DAB2IP: variants seen among roughly 807,000 people sequenced by gnomAD.
DAB2IP encodes DAB2 interacting protein, also known as disabled homolog 2-interacting protein.
In DAB2IP, 28 loss-of-function variants were observed where a neutral mutation model predicts 107.2. That is an observed-to-expected ratio of 0.26 (90% confidence interval 0.19 to 0.36). The LOEUF is 0.36. Among genes scored for constraint, DAB2IP ranks in the 10% least tolerant of loss-of-function variants. The pLI, the probability that DAB2IP is intolerant of heterozygous loss-of-function variation, is 1.00. For missense variants in DAB2IP, 1,400 were observed against 1,644.7 expected (o/e 0.85, Z 2.57); for synonymous variants, 755 against 706.4 (o/e 1.07, Z -1.09).
intron 3 of DAB2IP, among the ~76,000 whole-genome samples, chr9:121,721,523 G>A (rs932595183): frequency 3.3e-5 from 5 of 152,208 alleles, no homozygotes; most frequent in African/African-American, 1.2e-4. Context: ...GTGTCCATCT[G>A]GAGAGTACAT....
chr9:121,701,088 C>T lies in DAB2IP; in HGVS notation c.362+1630C>T, dbSNP rs1829755215. 6.6e-6 allele frequency among the ~76,000 whole-genome samples: 1 copy of T among 152,242 alleles called. No homozygotes were observed. Among genetic ancestry groups the T allele is most frequent in the Admixed American group, 6.5e-5 (1 of 15,294 alleles). ...GCTTTCCTTGGCGGGGGTCAGGACC[C>T]TCTGCACCCGCATGCGGGGGCTTGT... On this transcript the variant is annotated intron_variant, in intron 3 of 15. Coordinates refer to ENST00000408936, the Ensembl canonical transcript of DAB2IP. The surrounding 1 kb of genome is among the most constrained non-coding windows in gnomAD (Gnocchi z 4.7).
intron 1 of DAB2IP, among the ~76,000 whole-genome samples, chr9:121,619,085 T>C (rs1244035117): frequency 1.3e-5 from 2 of 152,118 alleles, no homozygotes; most frequent in African/African-American, 4.8e-5. Flanking sequence ...TGAAGGGTGA[T>C]TGTTGGAAGG....
chr9:121,681,748 G>C (rs550616532), intron 2 of DAB2IP, among the ~76,000 whole-genome samples: 1 of 152,270 alleles, frequency 6.6e-6, no homozygotes, highest in Admixed American at 6.5e-5. Context: ...CTTCTGGGCT[G>C]GGTGCTGGGA....
intron 1 of DAB2IP, among the ~76,000 whole-genome samples, chr9:121,655,315 A>G (rs1420091141): frequency 6.6e-6 from 1 of 152,194 alleles, no homozygotes; most frequent in African/African-American, 2.4e-5. Flanking sequence ...ACCAAAATCA[A>G]GAAAAGTTTT....
intron 1 of DAB2IP, among the ~76,000 whole-genome samples, chr9:121,590,658 C>T (rs73661765): frequency 0.022 from 3,404 of 152,236 alleles, 123 homozygotes; most frequent in African/African-American, 0.078. Context: ...TTCATAGCAA[C>T]GGGCAGAAAT....
rs2118742998 is a variant in DAB2IP, at chr9:121,702,006, G to C, written c.362+2548G>C. On this transcript the variant is annotated intron_variant, in intron 3 of 15. Transcript: ENST00000408936. This position sits in a 1 kb window ranked among gnomAD's most constrained non-coding sequence, Gnocchi z 4.5. ...TGAGTGGGTGGGACACGAGTGGGAA[G>C]GACGGTGGGGGCTTCTAGGGTGTCG... Among the ~76,000 whole-genome samples, 1 of 152,326 alleles carries C rather than the reference G, an allele frequency of 6.6e-6. No homozygotes were observed. The highest frequency in any genetic ancestry group is 3.4e-3 in the Middle Eastern group (1 of 294).
intron 3 of DAB2IP, among the ~76,000 whole-genome samples, chr9:121,750,148 C>T (rs1404793668): frequency 1.3e-5 from 2 of 152,186 alleles, no homozygotes; most frequent in Non-Finnish European, 2.9e-5. Context: ...ATCCTCACTA[C>T]GGATGGGGAA....
At chr9:121,576,831 A>G (rs1166453616) in intron 1 of DAB2IP, among the ~76,000 whole-genome samples, 1 of 152,038 alleles carries the variant, frequency 6.6e-6, no homozygotes, top group Non-Finnish European at 1.5e-5. Context: ...CTATCTCTAG[A>G]GAAGTTGGTG....
intron 14 of DAB2IP, among the ~76,000 whole-genome samples, chr9:121,777,623 GGTA>G (rs1835296435): frequency 6.6e-6 from 1 of 152,206 alleles, no homozygotes. Flanking sequence ...ATGTCAGTTA[GGTA>G]GATAGTGTTC....
chr9:121,614,744 T>C (rs1233391533), intron 1 of DAB2IP, among the ~76,000 whole-genome samples: 1 of 151,064 alleles, frequency 6.6e-6, no homozygotes. Flanking sequence ...TTTCTTTTTT[T>C]TTTTTTTGAG....
chr9:121,774,380 A>C, exon 13 of DAB2IP: 2 of 1,612,574 alleles, frequency 1.2e-6, no homozygotes, highest in Non-Finnish European at 1.7e-6. Context: ...GGATAGGCTA[A>C]GGAGTAAGGA....
chr9:121,712,831 A>C (rs1331722914), intron 3 of DAB2IP, among the ~76,000 whole-genome samples: 2 of 152,214 alleles, frequency 1.3e-5, no homozygotes, highest in Admixed American at 1.3e-4. Flanking sequence ...CCAGTGAACC[A>C]AGTCAGTCAG....
Position 121,599,962 on chromosome 9 carries a change from CG to C in DAB2IP, c.40+32735del, listed in dbSNP as rs1420528675. 3.9e-5 allele frequency among the ~76,000 whole-genome samples: 6 copies of C among 152,168 alleles called. No homozygotes were observed. The highest frequency in any genetic ancestry group is 7.3e-5 in the Non-Finnish European group (5 of 68,030). On this transcript the variant is annotated intron_variant, in intron 1 of 16. Coordinates refer to the DAB2IP transcript ENST00000259371. The surrounding 1 kb of genome is among the most constrained non-coding windows in gnomAD (Gnocchi z 6.9). ...CCCCTCTCCCGCAAGGAAATCTGCG[CG>C]ATGCATTGAGCCTTTAAACTTTCCT... is the stretch of plus-strand genomic sequence containing the variant.
intron 9 of DAB2IP, among the ~76,000 whole-genome samples, 179 bp downstream of exon 9, chr9:121,766,909 CCTT>C (rs1222431402): frequency 6.6e-6 from 1 of 152,230 alleles, no homozygotes; most frequent in Non-Finnish European, 1.5e-5. Context: ...CACACCCTGT[CCTT>C]CTACTCAAGG....
intron 1 of DAB2IP, among the ~76,000 whole-genome samples, chr9:121,623,314 C>A (rs868372356): frequency 6.6e-6 from 1 of 152,178 alleles, no homozygotes. Flanking sequence ...GCAGGGCAAC[C>A]CCAAGGGTGG....
intron 2 of DAB2IP, among the ~76,000 whole-genome samples, chr9:121,679,223 A>C (rs1014297890): frequency 2.0e-5 from 3 of 152,186 alleles, no homozygotes; most frequent in African/African-American, 7.2e-5. Flanking sequence ...TACATAAAAT[A>C]ATGCTATATA....
intron 13 of DAB2IP, among the ~76,000 whole-genome samples, chr9:121,774,895 C>T (rs919229484): frequency 2.0e-5 from 3 of 152,194 alleles, no homozygotes; most frequent in Non-Finnish European, 2.9e-5. Context: ...GGCTCTTCAC[C>T]CCTCTGGTCT....
At chr9:121,612,022 C>A (rs1831113417) in intron 1 of DAB2IP, among the ~76,000 whole-genome samples, 3 of 152,144 alleles carry the variant, frequency 2.0e-5, no homozygotes, top group Admixed American at 2.0e-4. Context: ...CACTTTATAG[C>A]AGTCTTGGGA....
intron 6 of DAB2IP, among the ~76,000 whole-genome samples, chr9:121,763,232 C>G (rs912458746): frequency 5.3e-5 from 8 of 152,090 alleles, no homozygotes; most frequent in African/African-American, 1.9e-4. Flanking sequence ...GCTTGTGGCT[C>G]CACGTGGCAT....
Sources: gnomAD v4.1 joint callset for allele counts (sites outside exome capture counted in the v4.1 genomes callset) on GRCh38, gnomAD v4.1.1 for gene constraint, Gnocchi (gnomAD v3.1) non-coding constraint, MANE v1.5 for transcripts, NCBI Gene and HGNC (gene_info 2026-07-23, HGNC 2026-07-21) for gene names.